Variants in FDX1 observed in about 807,000 individuals in gnomAD.
FDX1 encodes the protein ferredoxin 1.
FDX1 carries 9 observed loss-of-function variants against 14.9 expected under a neutral mutation model. That is an observed-to-expected ratio of 0.60 (90% confidence interval 0.36 to 1.05). The LOEUF is 1.05. Ranked by LOEUF, FDX1 falls within the 50% of genes least tolerant of loss-of-function variation. The pLI is 0.01. For missense variants in FDX1, 204 were observed against 237.2 expected, an observed-to-expected ratio of 0.86 and a Z score of 0.92; for synonymous variants, 92 against 99.4, an observed-to-expected ratio of 0.93 and a Z score of 0.44.
chr11:110,460,255 G>A (rs1946548310), intron 3 of FDX1, among the ~76,000 whole-genome samples: 1 of 152,138 alleles, frequency 6.6e-6, no homozygotes. Flanking sequence ...TCATGGTTAA[G>A]CACACTCCTT....
chr11:110,446,243 C>T (rs1196852888), intron 2 of FDX1, among the ~76,000 whole-genome samples: 6 of 152,196 alleles, frequency 3.9e-5, no homozygotes, highest in Admixed American at 3.3e-4. Flanking sequence ...GAGCTTATTA[C>T]CACAACATTA....
At chr11:110,430,753 T>C (rs1458026464) in intron 1 of FDX1, among the ~76,000 whole-genome samples, 1 of 152,206 alleles carries the variant, frequency 6.6e-6, no homozygotes. Flanking sequence ...TTCAGGGCCT[T>C]GCCCTGCTTT....
At chr11:110,432,502 G>A (rs957235046) in intron 1 of FDX1, among the ~76,000 whole-genome samples, 2 of 152,120 alleles carry the variant, frequency 1.3e-5, no homozygotes, top group Non-Finnish European at 2.9e-5. Context: ...TGGAGGTGTT[G>A]GTGTACTCTT....
At chr11:110,434,733 T>TG (rs1397263527) in intron 1 of FDX1, among the ~76,000 whole-genome samples, 2 of 81,860 alleles carry the variant, frequency 2.4e-5, no homozygotes, top group Non-Finnish European at 4.8e-5. Flanking sequence ...TTGTTTTTTT[T>TG]TTTTTTTTTT....
intron 1 of FDX1, among the ~76,000 whole-genome samples, chr11:110,434,691 A>G (rs1427637324): frequency 2.3e-5 from 3 of 130,976 alleles, no homozygotes; most frequent in Non-Finnish European, 4.9e-5. Context: ...GGACACATTC[A>G]TGTTTTTCAG....
At chr11:110,433,918 TTTAC>T (rs1271494299) in intron 1 of FDX1, among the ~76,000 whole-genome samples, 1 of 152,248 alleles carries the variant, frequency 6.6e-6, no homozygotes, top group East Asian at 1.9e-4. Flanking sequence ...AATTCTGAGT[TTTAC>T]TTAAAGATTT....
intron 2 of FDX1, among the ~76,000 whole-genome samples, chr11:110,445,064 G>A (rs898960001): frequency 6.6e-6 from 1 of 151,980 alleles, no homozygotes; most frequent in Admixed American, 6.6e-5. Flanking sequence ...TGTTGAATCT[G>A]TAAATTGCTT....
chr11:110,438,865 T>G (rs186327983), intron 2 of FDX1, among the ~76,000 whole-genome samples: 29 of 152,228 alleles, frequency 1.9e-4, no homozygotes, highest in Middle Eastern at 3.4e-3. Flanking sequence ...ATTCATAGTT[T>G]GTGAATATTT....
At chr11:110,448,258 T>C (rs1200064391) in intron 2 of FDX1, among the ~76,000 whole-genome samples, 5 of 152,224 alleles carry the variant, frequency 3.3e-5, no homozygotes, top group Non-Finnish European at 7.3e-5. Flanking sequence ...TGTATAAGTT[T>C]ATTTGTATTC....
chr11:110,457,235 T>C (rs1367219765), intron 3 of FDX1, among the ~76,000 whole-genome samples, 188 bp downstream of exon 3: 2 of 152,220 alleles, frequency 1.3e-5, no homozygotes, highest in African/African-American at 2.4e-5. Context: ...TTAGACCTTA[T>C]GAAATTTTAC....
At chr11:110,441,292 T>A (rs1321350784) in intron 2 of FDX1, among the ~76,000 whole-genome samples, 1 of 152,114 alleles carries the variant, frequency 6.6e-6, no homozygotes, top group Non-Finnish European at 1.5e-5. Context: ...ATACCCCAAA[T>A]GTGGAAGCAA....
chr11:110,435,777 A>G, intron 1 of FDX1, 57 bp from the exon 2 acceptor site: 1 of 1,402,966 alleles, frequency 7.1e-7, no homozygotes, highest in Admixed American at 2.2e-5. Context: ...TAAACCAATT[A>G]TTTTAAATTA....
intron 2 of FDX1, among the ~76,000 whole-genome samples, chr11:110,436,592 C>A (rs1335506889): frequency 6.8e-6 from 1 of 146,588 alleles, no homozygotes; most frequent in Non-Finnish European, 1.5e-5. Context: ...CCGCCCCCAC[C>A]CCCGCCCCAG....
At chr11:110,446,616 C>G (rs1946451581) in intron 2 of FDX1, among the ~76,000 whole-genome samples, 1 of 152,156 alleles carries the variant, frequency 6.6e-6, no homozygotes. Context: ...CAGTAATGAG[C>G]ACCACCCGGC....
chr11:110,443,443 T>C (rs1348404526), intron 2 of FDX1, among the ~76,000 whole-genome samples: 1 of 150,988 alleles, frequency 6.6e-6, no homozygotes, highest in Non-Finnish European at 1.5e-5. Flanking sequence ...ATATCCTTTT[T>C]TTTTTTTTTT....
chr11:110,437,081 G>T (rs1294944515), intron 2 of FDX1, among the ~76,000 whole-genome samples: 1 of 152,040 alleles, frequency 6.6e-6, no homozygotes, highest in East Asian at 1.9e-4. Flanking sequence ...CTGCAGCCTC[G>T]ACCTCCTGGA....
chr11:110,430,314 C>T lies in FDX1; in HGVS notation c.185+9C>T, dbSNP rs1017364626. The stretch of plus-strand genomic sequence containing the variant: ...GCGCGGGCCCGGAGCAGGTAGGGCG[C>T]CGTGCGGGCGCGATCGCCGGCGCGG... On this transcript the variant is annotated intron_variant, in intron 1 of 3. Transcript: ENST00000260270. 23 of 1,192,364 alleles carry T rather than the reference C, an allele frequency of 1.9e-5. No homozygotes were observed. The East Asian group carries it at 6.4e-4, about 33-fold the overall frequency. The allele number at this position is 1,192,364 out of a possible 1,614,324, so 73.9% of individuals were successfully genotyped here.
At chr11:110,459,974 T>TA (rs1234880372) in intron 3 of FDX1, among the ~76,000 whole-genome samples, 2 of 152,250 alleles carry the variant, frequency 1.3e-5, no homozygotes, top group African/African-American at 4.8e-5. Context: ...GTTTCACTGA[T>TA]AACTGTTTCC....
chr11:110,430,035 C>A lies in FDX1; in HGVS notation c.-86C>A, dbSNP rs1946318475. On this transcript the variant is annotated 5_prime_UTR_variant, in exon 1 of 4. Coordinates refer to ENST00000260270, the MANE Select transcript of FDX1 (RefSeq NM_004109.5). Reference sequence around the variant, plus strand: ...CGCCGCGGCCCTCGGGCGTCTGCGCCGCAGCTGCCGCCCCCGCCTCTTTGG... The same window carrying A: ...CGCCGCGGCCCTCGGGCGTCTGCGCAGCAGCTGCCGCCCCCGCCTCTTTGG... 1 of 1,018,592 alleles carries A rather than the reference C, an allele frequency of 9.8e-7. No homozygotes were observed. The highest frequency in any genetic ancestry group is 1.2e-6 in the Non-Finnish European group (1 of 803,282). The allele number at this position is 1,018,592 out of a possible 1,614,324, so 63.1% of individuals were successfully genotyped here.
Sources: gnomAD v4.1 joint callset for allele counts (sites outside exome capture counted in the v4.1 genomes callset) on GRCh38, gnomAD v4.1.1 for gene constraint, MANE v1.5 for transcripts, NCBI Gene and HGNC (gene_info 2026-07-23, HGNC 2026-07-21) for gene names.